The following CNTN4 variants were observed in gnomAD, a reference collection of about 807,000 sequenced individuals.
CNTN4 encodes contactin-4.
CNTN4 carries 77 observed loss-of-function variants against 122.5 expected under a neutral mutation model. The ratio of observed to expected loss-of-function variants is 0.63; its 90% confidence interval spans 0.52 to 0.76. CNTN4 has a LOEUF of 0.76. Among genes scored for constraint, CNTN4 ranks in the 30% least tolerant of loss-of-function variants. The pLI is 0.00. For missense variants in CNTN4, 1,256 were observed against 1,259.1 expected (o/e 1.00, Z 0.04); for synonymous variants, 512 against 447.0 (o/e 1.15, Z -1.83).
At chr3:2,268,430 G>A (rs937006894) in intron 2 of CNTN4, among the ~76,000 whole-genome samples, 4 of 151,764 alleles carry the variant, frequency 2.6e-5, no homozygotes, top group South Asian at 2.1e-4. Context: ...TTTTCAGTCC[G>A]GAGATGTTAT....
intron 3 of CNTN4, among the ~76,000 whole-genome samples, chr3:2,493,114 T>G: frequency 6.6e-6 from 1 of 152,180 alleles, no homozygotes; most frequent in East Asian, 1.9e-4. Flanking sequence ...AATTGTGCAT[T>G]TCCATCCTTC....
intron 2 of CNTN4, among the ~76,000 whole-genome samples, chr3:2,180,868 G>C (rs1179522566): frequency 3.3e-5 from 5 of 152,076 alleles, no homozygotes; most frequent in African/African-American, 9.7e-5. Context: ...GACAGAGTCT[G>C]TAAGACAATC....
intron 4 of CNTN4, among the ~76,000 whole-genome samples, chr3:2,656,082 C>T (rs1036237189): frequency 1.9e-4 from 29 of 152,072 alleles, no homozygotes; most frequent in African/African-American, 6.5e-4. Context: ...GAATTGTAAC[C>T]GTATTTGGCG....
chr3:2,350,447 C>G (rs2044566613), intron 3 of CNTN4, among the ~76,000 whole-genome samples: 1 of 152,028 alleles, frequency 6.6e-6, no homozygotes, highest in Non-Finnish European at 1.5e-5. Context: ...AAAGGAGCAT[C>G]AAAAAGTACA....
At chr3:2,660,347 T>C (rs951821248) in intron 4 of CNTN4, among the ~76,000 whole-genome samples, 6 of 152,240 alleles carry the variant, frequency 3.9e-5, no homozygotes, top group Non-Finnish European at 8.8e-5. Flanking sequence ...GGCACTGTTA[T>C]ATCAACCAAG....
intron 2 of CNTN4, 51 bp downstream of exon 2, chr3:2,100,690 GAATA>G (rs1269286859): frequency 6.6e-6 from 1 of 152,198 alleles, no homozygotes; most frequent in African/African-American, 2.4e-5. Flanking sequence ...GATTTTGTGG[GAATA>G]TCTGCAGTGG....
intron 6 of CNTN4, among the ~76,000 whole-genome samples, chr3:2,818,020 T>G (rs2092777651): frequency 6.6e-6 from 1 of 152,094 alleles, no homozygotes; most frequent in Non-Finnish European, 1.5e-5. Flanking sequence ...TTGTGCAGAG[T>G]ATGTGTGTGT....
At chr3:2,676,227 T>C (rs1471246986) in intron 4 of CNTN4, among the ~76,000 whole-genome samples, 1 of 152,070 alleles carries the variant, frequency 6.6e-6, no homozygotes, top group Non-Finnish European at 1.5e-5. Flanking sequence ...GTGGTTTTTT[T>C]TTTGTGGTGG....
chr3:2,761,715 A>G (rs1370820162), intron 6 of CNTN4, among the ~76,000 whole-genome samples: 1 of 152,156 alleles, frequency 6.6e-6, no homozygotes, highest in Non-Finnish European at 1.5e-5. Flanking sequence ...GAGGTTTCAA[A>G]CACAGTTGGC....
At chr3:2,376,380 A>C (rs2045816847) in intron 3 of CNTN4, among the ~76,000 whole-genome samples, 1 of 152,158 alleles carries the variant, frequency 6.6e-6, no homozygotes, top group African/African-American at 2.4e-5. Context: ...GATGGTGTTG[A>C]TGTGTTTTAT....
At chr3:2,415,324 C>A (rs962129281) in intron 3 of CNTN4, among the ~76,000 whole-genome samples, 36 of 152,102 alleles carry the variant, frequency 2.4e-4, no homozygotes, top group African/African-American at 8.5e-4. Context: ...ATGTTCTTCC[C>A]ACATCAAACC....
At chr3:2,370,728 G>T (rs1040043618) in intron 3 of CNTN4, among the ~76,000 whole-genome samples, 1 of 152,120 alleles carries the variant, frequency 6.6e-6, no homozygotes, top group South Asian at 2.1e-4. Flanking sequence ...AACCAGTATT[G>T]ATGAATTTTT....
chr3:2,480,339 T>C (rs2075956496), intron 3 of CNTN4, among the ~76,000 whole-genome samples: 1 of 152,128 alleles, frequency 6.6e-6, no homozygotes, highest in African/African-American at 2.4e-5. Flanking sequence ...TTCTTGTAGA[T>C]GACATGACTA....
At chr3:2,777,660 A>C (rs888270998) in intron 6 of CNTN4, among the ~76,000 whole-genome samples, 29 of 152,294 alleles carry the variant, frequency 1.9e-4, no homozygotes, top group African/African-American at 6.5e-4. Context: ...GGAGTCATGA[A>C]TTCTTGGTTT....
chr3:2,199,636 G>T (rs1483076798), intron 2 of CNTN4, among the ~76,000 whole-genome samples: 1 of 152,144 alleles, frequency 6.6e-6, no homozygotes. Context: ...TGGGAATATA[G>T]TGATGAACAA....
chr3:2,411,031 A>G (rs1399418772), intron 3 of CNTN4, among the ~76,000 whole-genome samples: 1 of 152,226 alleles, frequency 6.6e-6, no homozygotes, highest in Non-Finnish European at 1.5e-5. Flanking sequence ...TACTTTACAT[A>G]TAAAAAGATG....
Position 2,722,922 on chromosome 3 carries a change from A to T in CNTN4, c.56-13293A>T, listed in dbSNP as rs557247162. Among the ~76,000 whole-genome samples the T allele has an allele frequency of 2.0e-5, 3 of 152,342 alleles. No individual in the cohort carries two copies. In the East Asian group the frequency reaches 5.8e-4, roughly 29 times the overall value. On this transcript the variant is annotated intron_variant, in intron 4 of 24. Transcript: ENST00000418658. Reference sequence around the variant, plus strand: ...AATTCCAAAAAAGAACAACTTTGTAATTTGAAAGAATTGGTAACAAGTGTG... The same window carrying T: ...AATTCCAAAAAAGAACAACTTTGTATTTTGAAAGAATTGGTAACAAGTGTG...
At chr3:2,755,528 T>C (rs1291438915) in intron 6 of CNTN4, among the ~76,000 whole-genome samples, 1 of 152,214 alleles carries the variant, frequency 6.6e-6, no homozygotes, top group Admixed American at 6.5e-5. Flanking sequence ...CTGAGTATAG[T>C]ACTAGACAGA....
At chr3:2,197,050 GA>G (rs756328918) in intron 2 of CNTN4, among the ~76,000 whole-genome samples, 1,837 of 87,132 alleles carry the variant, frequency 0.021, 11 homozygotes, top group Middle Eastern at 0.042. Flanking sequence ...GGTCTCACCA[GA>G]AAAAAAAAAA....
Sources: gnomAD v4.1 joint callset for allele counts (sites outside exome capture counted in the v4.1 genomes callset) on GRCh38, gnomAD v4.1.1 for gene constraint, MANE v1.5 for transcripts, NCBI Gene and HGNC (gene_info 2026-07-23, HGNC 2026-07-21) for gene names.